Variants in PTCSC3 observed in about 807,000 individuals in gnomAD.
The protein encoded by PTCSC3 is papillary thyroid carcinoma susceptibility candidate 3.
At chr14:36,168,190 C>T (rs543854664) in intron 1 of PTCSC3, among the ~76,000 whole-genome samples, 156 of 151,880 alleles carry the variant, frequency 1.0e-3, no homozygotes, top group Admixed American at 3.3e-3. Flanking sequence ...GCCACTTTTT[C>T]GTCAAGCTAG....
upstream of PTCSC3, among the ~76,000 whole-genome samples, chr14:36,176,686 T>C (rs1882294106): frequency 6.6e-6 from 1 of 152,150 alleles, no homozygotes; most frequent in South Asian, 2.1e-4. Context: ...TTCTGCTGGA[T>C]AAGCTATTCC....
intron 2 of PTCSC3, among the ~76,000 whole-genome samples, chr14:36,155,886 C>T (rs913934147): frequency 6.6e-6 from 1 of 152,074 alleles, no homozygotes; most frequent in Non-Finnish European, 1.5e-5. Flanking sequence ...TAAAATGTAG[C>T]TCTCCTTTGG....
chr14:36,164,602 A>G (rs1882046938), intron 1 of PTCSC3, among the ~76,000 whole-genome samples: 1 of 151,994 alleles, frequency 6.6e-6, no homozygotes, highest in Non-Finnish European at 1.5e-5. Context: ...TATTTTTTAT[A>G]AAACAACTAT....
intron 3 of PTCSC3, among the ~76,000 whole-genome samples, chr14:36,137,881 G>A (rs72672399): frequency 0.12 from 18,474 of 152,138 alleles, 1,501 homozygotes; most frequent in Non-Finnish European, 0.18. Context: ...ATTATTGGCC[G>A]TATGAACCTA....
At chr14:36,135,013 T>C (rs1881254197), downstream of PTCSC3, among the ~76,000 whole-genome samples, 1 of 152,200 alleles carries the variant, frequency 6.6e-6, no homozygotes, top group Non-Finnish European at 1.5e-5. Flanking sequence ...TTTGGCCGCA[T>C]GTGAAAGGTG....
At chr14:36,165,853 A>G (rs1425207452) in intron 1 of PTCSC3, among the ~76,000 whole-genome samples, 1 of 151,972 alleles carries the variant, frequency 6.6e-6, no homozygotes. Flanking sequence ...AGGCAAGTAC[A>G]ATTTTGTTAG....
At chr14:36,148,632 C>T (rs1283738675) in intron 3 of PTCSC3, among the ~76,000 whole-genome samples, 1 of 152,230 alleles carries the variant, frequency 6.6e-6, no homozygotes, top group Non-Finnish European at 1.5e-5. Context: ...TTCTGCCTTG[C>T]TCACGCTGGT....
At chr14:36,150,562 ATAC>A in intron 3 of PTCSC3, among the ~76,000 whole-genome samples, 1 of 152,220 alleles carries the variant, frequency 6.6e-6, no homozygotes, top group Admixed American at 6.5e-5. Context: ...ATACAGTTGA[ATAC>A]CTGCCACATT....
At chr14:36,172,913 C>T (rs1057387768) in intron 1 of PTCSC3, among the ~76,000 whole-genome samples, 5 of 151,754 alleles carry the variant, frequency 3.3e-5, no homozygotes, top group Non-Finnish European at 7.4e-5. Flanking sequence ...AAGTAATTGG[C>T]TCTTGTTAAC....
intron 3 of PTCSC3, among the ~76,000 whole-genome samples, chr14:36,141,123 C>T (rs1288733632): frequency 6.6e-6 from 1 of 152,146 alleles, no homozygotes; most frequent in African/African-American, 2.4e-5. Flanking sequence ...AATACCACAT[C>T]ATCTTGATAA....
At chr14:36,148,026 A>T (rs913159037) in intron 3 of PTCSC3, among the ~76,000 whole-genome samples, 1 of 152,116 alleles carries the variant, frequency 6.6e-6, no homozygotes, top group Non-Finnish European at 1.5e-5. Flanking sequence ...CCATTCTCAG[A>T]TCTCCAGCTG....
intron 3 of PTCSC3, among the ~76,000 whole-genome samples, chr14:36,148,896 A>T (rs1169122): frequency 0.59 from 89,971 of 151,812 alleles, 27,359 homozygotes; most frequent in Middle Eastern, 0.68. Context: ...GATACTAATA[A>T]TTTATTTTTA....
intron 3 of PTCSC3, among the ~76,000 whole-genome samples, chr14:36,149,721 C>T (rs547799066): frequency 4.6e-5 from 7 of 152,048 alleles, no homozygotes; most frequent in South Asian, 2.1e-4. Context: ...CTTCTTTATC[C>T]CTGATAAATT....
At chr14:36,138,734 A>G (rs189757498) in intron 3 of PTCSC3, among the ~76,000 whole-genome samples, 56 of 152,308 alleles carry the variant, frequency 3.7e-4, no homozygotes, top group Non-Finnish European at 6.0e-4. Context: ...AAATTATATA[A>G]CTACTTTGAA....
chr14:36,169,744 G>A (rs1172192534), intron 1 of PTCSC3, among the ~76,000 whole-genome samples: 2 of 152,122 alleles, frequency 1.3e-5, no homozygotes, highest in African/African-American at 4.8e-5. Flanking sequence ...GCAGCTGGTA[G>A]AGCTCTATGT....
chr14:36,139,329 G>T (rs1881368060), intron 3 of PTCSC3, among the ~76,000 whole-genome samples: 1 of 152,102 alleles, frequency 6.6e-6, no homozygotes, highest in South Asian at 2.1e-4. Context: ...CATGTTGAAA[G>T]AACAAAGCCA....
intron 3 of PTCSC3, among the ~76,000 whole-genome samples, chr14:36,147,241 A>G (rs1881597055): frequency 1.3e-5 from 2 of 152,188 alleles, no homozygotes. Flanking sequence ...TCTCCTGGAT[A>G]ATATCCTGCA....
At chr14:36,144,091 G>T (rs957923432) in intron 3 of PTCSC3, among the ~76,000 whole-genome samples, 2 of 152,248 alleles carry the variant, frequency 1.3e-5, no homozygotes, top group African/African-American at 2.4e-5. Context: ...GTCAGGTAGT[G>T]TGATGCCTCC....
intron 3 of PTCSC3, among the ~76,000 whole-genome samples, chr14:36,148,549 C>T (rs1236961767): frequency 6.6e-6 from 1 of 152,232 alleles, no homozygotes; most frequent in Non-Finnish European, 1.5e-5. Flanking sequence ...ACCCACTGAC[C>T]TGTGCCCACT....
Sources: gnomAD v4.1 joint callset for allele counts (sites outside exome capture counted in the v4.1 genomes callset) on GRCh38, gnomAD v4.1.1 for gene constraint, MANE v1.5 for transcripts, NCBI Gene and HGNC (gene_info 2026-07-23, HGNC 2026-07-21) for gene names.